The following MOV10L1 variants were observed in gnomAD, a reference collection of about 807,000 sequenced individuals.
MOV10L1 encodes the protein RNA helicase Mov10l1.
Under a neutral mutation model 143.8 loss-of-function variants are expected in MOV10L1, and 110 were observed. That is an observed-to-expected ratio of 0.76 (90% CI 0.66 to 0.90). The LOEUF (loss-of-function observed/expected upper bound fraction) is 0.90. MOV10L1 is among the 40% of genes least tolerant of loss of function. The pLI is 0.00. For missense variants in MOV10L1, 1,406 were observed against 1,526.8 expected, an observed-to-expected ratio of 0.92 and a Z score of 1.32; for synonymous variants, 593 against 581.1, an observed-to-expected ratio of 1.02 and a Z score of -0.29.
At chr22:50,113,460 T>C (rs538382186) in intron 5 of MOV10L1, among the ~76,000 whole-genome samples, 188 bp from the exon 6 acceptor site, 28 of 152,188 alleles carry the variant, frequency 1.8e-4, no homozygotes, top group Middle Eastern at 3.2e-3. Context: ...CTCTAGACTT[T>C]ATGAAGTGCA....
intron 13 of MOV10L1, among the ~76,000 whole-genome samples, chr22:50,133,468 A>AG (rs971402276): frequency 1.5e-4 from 22 of 149,776 alleles, no homozygotes; most frequent in East Asian, 3.9e-4. Flanking sequence ...AAAAAAAAAA[A>AG]AAAGAAAGAA....
rs2063556738 is a variant in MOV10L1 at position 50,161,392 on chromosome 22, C to T, written c.3579C>T (p.Pro1193=). 1 of 1,601,008 alleles carries T rather than the reference C, an allele frequency of 6.2e-7. No homozygotes were observed. Among genetic ancestry groups the T allele is most frequent in the African/African-American group, 1.3e-5 (1 of 74,726 alleles). ...LQNCGEGVAD[P]SYPVVPESTG... Reference sequence around the variant, plus strand: ...GCTGTGGCGAGGGGGTGGCAGACCCCTCCTACCCAGTGGTGCCAGAATCCA... The same window carrying T: ...GCTGTGGCGAGGGGGTGGCAGACCCTTCCTACCCAGTGGTGCCAGAATCCA... The change falls in exon 27 of 27, where the codon CCC becomes CCT. Residue 1193 remains proline, a synonymous_variant. Transcript: ENST00000262794.
At chr22:50,111,826 A>T (rs1451158198) in intron 5 of MOV10L1, among the ~76,000 whole-genome samples, 1 of 150,382 alleles carries the variant, frequency 6.6e-6, no homozygotes, top group Non-Finnish European at 1.5e-5. Context: ...TTCTTTTCAC[A>T]CTCCTCACTC....
chr22:50,142,768 G>C (rs918463357), intron 16 of MOV10L1, among the ~76,000 whole-genome samples: 13 of 152,066 alleles, frequency 8.5e-5, no homozygotes, highest in Non-Finnish European at 1.6e-4. Flanking sequence ...CTCAGGAGAT[G>C]GAGGTTACAG....
At chr22:50,147,176 G>A (rs745354587) in intron 19 of MOV10L1, 14 of 1,506,968 alleles carry the variant, frequency 9.3e-6, no homozygotes, top group South Asian at 1.2e-5. Context: ...GCCGGCCAGG[G>A]CAGGCCGCTC....
chr22:50,136,059 G>T (rs1291374509), intron 15 of MOV10L1, among the ~76,000 whole-genome samples: 1 of 152,158 alleles, frequency 6.6e-6, no homozygotes, highest in East Asian at 1.9e-4. Context: ...ATGCAAAAAT[G>T]ATAGGTTTAG....
chr22:50,158,271 A>T lies in MOV10L1; in HGVS notation c.3216+65A>T. 6.3e-7 allele frequency: 1 copy of T among 1,587,504 alleles called. No homozygotes were observed. The highest frequency in any genetic ancestry group is 8.6e-7 in the Non-Finnish European group (1 of 1,160,728). On this transcript the variant is annotated intron_variant, in intron 23 of 26. Coordinates refer to ENST00000262794, the MANE Select transcript of MOV10L1 (RefSeq NM_018995.3). The surrounding 1 kb of genome is among the most constrained non-coding windows in gnomAD (Gnocchi z 5.0). ...TGCAGCCCTGCTCCTTGGCTCCTGC[A>T]GCTCCACAGAGGCAGGAACAAGCTC... is the stretch of plus-strand genomic sequence containing the variant.
At chr22:50,128,566 AC>A in intron 13 of MOV10L1, 59 bp downstream of exon 13, 1 of 742,332 alleles carries the variant, frequency 1.3e-6, no homozygotes, top group Non-Finnish European at 2.1e-6. Flanking sequence ...TTTTTTTGAG[AC>A]TGGGTCTCAT....
rs1040269584 is a variant in MOV10L1, at chr22:50,149,551, G to A, written c.2628-64G>A. The A allele has an allele frequency of 3.9e-6, 6 of 1,531,596 alleles. No homozygotes were observed. In the East Asian group the frequency reaches 1.4e-4, roughly 35 times the overall value. The allele number at this position is 1,531,596 out of a possible 1,614,324, so 94.9% of individuals were successfully genotyped here. On this transcript the variant is annotated intron_variant, in intron 19 of 26. Coordinates refer to ENST00000262794, the MANE Select transcript of MOV10L1 (RefSeq NM_018995.3). ...GTGCTGAGCGTGGCTTTGCCAGTGT[G>A]TCAGAGGCATCAATTGCTAAAACAA...
chr22:50,090,494 C>G, intron 1 of MOV10L1: 1 of 1,610,118 alleles, frequency 6.2e-7, no homozygotes, highest in Non-Finnish European at 8.5e-7. Flanking sequence ...CCTCCCTGTC[C>G]GCAGCGTCAT....
chr22:50,149,156 G>T (rs548981621), intron 19 of MOV10L1, among the ~76,000 whole-genome samples: 1 of 152,232 alleles, frequency 6.6e-6, no homozygotes, highest in Non-Finnish European at 1.5e-5. Flanking sequence ...GCTTTACAGC[G>T]GCCAGTTCAG....
Position 50,092,019 on chromosome 22 carries a change from CTG to C in MOV10L1, c.118_119del (p.Val40ThrfsTer15). ...ACCTCAGGTGACACTAAGCTGAAAA[CTG>C]TACGGGGTGTCGTGACAAGGTACTG... On this transcript the variant is annotated frameshift_variant, in exon 2 of 27. Transcript: ENST00000262794. LOFTEE classifies it high-confidence loss of function. 1.2e-6 allele frequency: 2 copies of C among 1,613,834 alleles called. No homozygotes were observed. Among genetic ancestry groups the C allele is most frequent in the Non-Finnish European group, 1.7e-6 (2 of 1,179,888 alleles).
intron 13 of MOV10L1, among the ~76,000 whole-genome samples, chr22:50,132,574 C>T (rs1456900338): frequency 6.6e-6 from 1 of 152,142 alleles, no homozygotes; most frequent in African/African-American, 2.4e-5. Flanking sequence ...CTGTTATAAA[C>T]AGTAAATTTA....
Position 50,161,534 on chromosome 22 carries a change from C to A in MOV10L1, c.*85C>A. On this transcript the variant is annotated 3_prime_UTR_variant, in exon 27 of 27. Coordinates refer to ENST00000262794, the MANE Select transcript of MOV10L1 (RefSeq NM_018995.3). Reference sequence around the variant, plus strand: ...TCTGCTCCGTGGCTCCTGTGGCCTGCCCTTGTCTCGCAGCCAGGCAGGGTC... The same window carrying A: ...TCTGCTCCGTGGCTCCTGTGGCCTGACCTTGTCTCGCAGCCAGGCAGGGTC... 2 of 1,344,516 alleles carry A rather than the reference C, an allele frequency of 1.5e-6. No homozygotes were observed. The highest frequency in any genetic ancestry group is 2.0e-6 in the Non-Finnish European group (2 of 981,798). The allele number at this position is 1,344,516 out of a possible 1,614,324, so 83.3% of individuals were successfully genotyped here.
At chr22:50,123,929 C>T (rs2062422405) in intron 10 of MOV10L1, among the ~76,000 whole-genome samples, 2 of 152,138 alleles carry the variant, frequency 1.3e-5, no homozygotes, top group African/African-American at 2.4e-5. Flanking sequence ...TATTGGTATA[C>T]GATTGCTCAT....
At chr22:50,150,455 C>T (rs1445705133) in intron 20 of MOV10L1, among the ~76,000 whole-genome samples, 4 of 152,258 alleles carry the variant, frequency 2.6e-5, no homozygotes, top group Non-Finnish European at 5.9e-5. Flanking sequence ...ATCCTTGGGG[C>T]TCTTACCACT....
chr22:50,160,229 CA>C (rs1404798981), intron 24 of MOV10L1, among the ~76,000 whole-genome samples: 4 of 151,196 alleles, frequency 2.6e-5, no homozygotes, highest in African/African-American at 9.7e-5. Context: ...CCCCTCCCCC[CA>C]CCTCCTGTTT....
chr22:50,140,306 T>A (rs945018166), intron 15 of MOV10L1, among the ~76,000 whole-genome samples: 5 of 152,202 alleles, frequency 3.3e-5, no homozygotes, highest in African/African-American at 1.2e-4. Flanking sequence ...ACAGGTCTAT[T>A]TGTCATCTTG....
At chr22:50,144,725 G>A (rs1374187614) in intron 18 of MOV10L1, among the ~76,000 whole-genome samples, 3 of 151,478 alleles carry the variant, frequency 2.0e-5, no homozygotes, top group Non-Finnish European at 3.0e-5. Context: ...GGGACTACAG[G>A]CACCCGCCAC....
Sources: gnomAD v4.1 joint callset for allele counts (sites outside exome capture counted in the v4.1 genomes callset) on GRCh38, gnomAD v4.1.1 for gene constraint, Gnocchi (gnomAD v3.1) non-coding constraint, MANE v1.5 for transcripts, NCBI Gene and HGNC (gene_info 2026-07-23, HGNC 2026-07-21) for gene names.